The following SDHAF2 variants were observed in gnomAD, a reference collection of about 807,000 sequenced individuals.
SDHAF2 encodes succinate dehydrogenase assembly factor 2, mitochondrial.
Under a neutral mutation model 18.5 loss-of-function variants are expected in SDHAF2, and 21 were observed. That is an observed-to-expected ratio of 1.13 (90% CI 0.80 to 1.63). The LOEUF (loss-of-function observed/expected upper bound fraction) is 1.63. SDHAF2 is among the 40% of genes most tolerant of loss of function. The pLI, the probability that SDHAF2 is intolerant of heterozygous loss-of-function variation, is 0.00. For synonymous variants in SDHAF2, 84 were observed against 70.7 expected (o/e 1.19, Z -0.94); for missense variants, 195 against 200.3 (o/e 0.97, Z 0.16).
At position 61,446,029 on chromosome 11, in the gene SDHAF2, G is replaced by T; in HGVS notation, c.459G>T (p.Leu153=). Residue 153 remains leucine, a synonymous_variant, in exon 4 of 4, where the codon CTG becomes CTT. Coordinates refer to ENST00000301761, the MANE Select transcript of SDHAF2 (RefSeq NM_017841.4). ...AAAACAAAAACAAAGAGCAGAGACT[G>T]CGTGCCCCAGATCTTGAGTACCTCT... ...FAKNKNKEQR[L]RAPDLEYLFE... 1 of 1,614,210 alleles carries T rather than the reference G, an allele frequency of 6.2e-7. No individual in the cohort carries two copies. Among genetic ancestry groups the T allele is most frequent in the Non-Finnish European group, 8.5e-7 (1 of 1,180,040 alleles).
At chr11:61,442,799 G>T (rs1862085319) in intron 3 of SDHAF2, among the ~76,000 whole-genome samples, 1 of 152,164 alleles carries the variant, frequency 6.6e-6, no homozygotes, top group Non-Finnish European at 1.5e-5. Context: ...TGTCACCAAG[G>T]CTGGAGAGCA....
At chr11:61,434,591 C>CTTTTTTTTT (rs549764688) in intron 1 of SDHAF2, 6 of 118,996 alleles carry the variant, frequency 5.0e-5, no homozygotes, top group Middle Eastern at 4.1e-3. Flanking sequence ...CTTCTCATTC[C>CTTTTTTTTT]TTTTTTTTTT....
chr11:61,438,358 C>G (rs1050294149), intron 3 of SDHAF2: 1 of 587,982 alleles, frequency 1.7e-6, no homozygotes, highest in African/African-American at 1.9e-5. Flanking sequence ...TGTCACCACA[C>G]CCGGGTAATT....
rs151040226 is a variant in SDHAF2, at chr11:61,438,093, A to T, written c.350A>T (p.Asp117Val). 4 of 1,613,224 alleles carry T rather than the reference A, an allele frequency of 2.5e-6. No individual in the cohort carries two copies. Among genetic ancestry groups the T allele is most frequent in the South Asian group, 1.1e-5 (1 of 91,074 alleles). Reference sequence around the variant, plus strand: ...ATTAACGAGCCTAGTAATGACTGGGATATTTACTACTGGGCCACAGGTACT... The same window carrying T: ...ATTAACGAGCCTAGTAATGACTGGGTTATTTACTACTGGGCCACAGGTACT... ...RLINEPSNDWDIYYWATEAKP... is the reference protein window; with the variant it reads ...RLINEPSNDWVIYYWATEAKP... The change falls in exon 3 of 4, where the codon GAT (aspartate) becomes GTT (valine). Residue 117 changes from aspartate to valine, a missense_variant. Physicochemically the swap from Asp to Val is radical, Grantham distance 152. Transcript: ENST00000301761.
At chr11:61,441,661 T>C (rs7934229) in intron 3 of SDHAF2, among the ~76,000 whole-genome samples, 128,945 of 152,116 alleles carry the variant, frequency 0.85, 54,818 homozygotes, top group East Asian at 0.98. Context: ...GGGTGTTGGA[T>C]GTGAAGGGAG....
intron 3 of SDHAF2, among the ~76,000 whole-genome samples, chr11:61,443,231 G>A (rs1247260445): frequency 6.6e-6 from 1 of 152,172 alleles, no homozygotes; most frequent in African/African-American, 2.4e-5. Flanking sequence ...ATCTGCTACT[G>A]TATTTGTTTT....
intron 3 of SDHAF2, among the ~76,000 whole-genome samples, chr11:61,439,124 A>G (rs1590765708): frequency 6.6e-6 from 1 of 152,172 alleles, no homozygotes; most frequent in Admixed American, 6.5e-5. Flanking sequence ...AACTTTGGCT[A>G]TGAGTAAAAA....
chr11:61,445,697 A>G (rs558638981), intron 3 of SDHAF2, among the ~76,000 whole-genome samples: 2 of 152,286 alleles, frequency 1.3e-5, no homozygotes, highest in African/African-American at 4.8e-5. Flanking sequence ...TCATAACACA[A>G]AAGGAGCATG....
intron 3 of SDHAF2, among the ~76,000 whole-genome samples, chr11:61,438,570 A>G (rs910933183): frequency 2.6e-5 from 4 of 152,220 alleles, no homozygotes; most frequent in African/African-American, 9.6e-5. Flanking sequence ...TTAAGTGTAC[A>G]AAATTTATCA....
Position 61,446,362 on chromosome 11 carries a change from G to GCACT in SDHAF2, c.*292_*295dup. 2 of 599,836 alleles carry GCACT rather than the reference G, an allele frequency of 3.3e-6. No individual in the cohort carries two copies. Among genetic ancestry groups the GCACT allele is most frequent in the Non-Finnish European group, 5.9e-6 (2 of 337,076 alleles). 37.2% of individuals were successfully genotyped at this position (599,836 alleles called of 1,614,324 possible). ...CTAGAGGCAAGTCTGCCACGAGAGG[G>GCACT]CACTGCAGGCGAAGCAGTTGTGCTT... On this transcript the variant is annotated 3_prime_UTR_variant, in exon 4 of 4. Coordinates refer to ENST00000301761, the MANE Select transcript of SDHAF2 (RefSeq NM_017841.4).
At chr11:61,436,344 A>C (rs1333204454) in intron 1 of SDHAF2, among the ~76,000 whole-genome samples, 1 of 152,118 alleles carries the variant, frequency 6.6e-6, no homozygotes, top group Non-Finnish European at 1.5e-5. Flanking sequence ...TGCATACTGC[A>C]CCTGTTTCCC....
intron 1 of SDHAF2, chr11:61,435,102 G>A (rs958710144): frequency 2.0e-5 from 3 of 151,740 alleles, no homozygotes; most frequent in African/African-American, 7.3e-5. Context: ...GCTGGTTCTC[G>A]AACTCCTGAG....
intron 3 of SDHAF2, among the ~76,000 whole-genome samples, chr11:61,445,036 TC>T (rs1386111078): frequency 1.3e-5 from 2 of 152,288 alleles, no homozygotes; most frequent in African/African-American, 4.8e-5. Context: ...ACCTCTTTGA[TC>T]TTATGTTGAT....
chr11:61,437,581 T>C (rs1862008070), intron 1 of SDHAF2, 44 bp from the exon 2 acceptor site: 3 of 1,475,020 alleles, frequency 2.0e-6, no homozygotes, highest in Non-Finnish European at 2.8e-6. Flanking sequence ...ATAGCGATGA[T>C]AGTCGTCATT....
chr11:61,430,654 A>G (rs1046840994), intron 1 of SDHAF2: 1 of 175,802 alleles, frequency 5.7e-6, no homozygotes, highest in Non-Finnish European at 1.2e-5. Context: ...ATCACCTCAA[A>G]TCTTTATCAT....
chr11:61,439,784 T>G (rs1459836663), intron 3 of SDHAF2, among the ~76,000 whole-genome samples: 1 of 152,230 alleles, frequency 6.6e-6, no homozygotes, highest in South Asian at 2.1e-4. Flanking sequence ...AATAGTTCAT[T>G]CTTTTGTGTT....
intron 3 of SDHAF2, among the ~76,000 whole-genome samples, chr11:61,441,869 G>T (rs1284630336): frequency 2.8e-5 from 4 of 141,684 alleles, no homozygotes; most frequent in Non-Finnish European, 6.1e-5. Context: ...TTCAAATTCC[G>T]CCCCCCACCA....
At chr11:61,444,132 A>G (rs952984403) in intron 3 of SDHAF2, 13 of 152,286 alleles carry the variant, frequency 8.5e-5, no homozygotes, top group Admixed American at 5.9e-4. Context: ...AATTCATTGC[A>G]AATTTTAGTG....
intron 1 of SDHAF2, chr11:61,433,234 T>C (rs1332091423): frequency 6.6e-6 from 1 of 152,138 alleles, no homozygotes; most frequent in African/African-American, 2.4e-5. Flanking sequence ...GAGATGGGGT[T>C]TCACTGTGTT....
Sources: allele counts gnomAD v4.1 joint callset (sites outside exome capture counted in the v4.1 genomes callset), GRCh38; gene constraint gnomAD v4.1.1; transcripts MANE v1.5; gene names NCBI Gene and HGNC (gene_info 2026-07-23, HGNC 2026-07-21).